Variants in NFIA observed in about 807,000 individuals in gnomAD.
The protein encoded by NFIA is nuclear factor I A, also known as nuclear factor 1 A-type.
A neutral mutation model predicts 62.8 loss-of-function variants in NFIA; 8 were observed. The observed-to-expected ratio is 0.13, with a 90% CI of 0.07 to 0.23. The LOEUF (loss-of-function observed/expected upper bound fraction) is 0.23, where lower values mean the gene tolerates loss of function less well. NFIA is among the 10% of genes least tolerant of loss of function. NFIA has a pLI of 1.00. For synonymous variants in NFIA, 235 were observed against 238.1 expected (o/e 0.99, Z 0.12); for missense variants, 410 against 642.1 (o/e 0.64, Z 3.91).
At position 61,217,043 on chromosome 1, in the gene NFIA, ACTTTTTTTTTTCTTTTTT is replaced by A. The variant is rs1331231495; in HGVS notation, c.560-60465_560-60448del. On this transcript the variant is annotated intron_variant, in intron 2 of 10. Transcript: ENST00000403491. ...AATTAATAAAAAGGACATTGATTAAACTTTTTTTTTTCTTTTTTCTTTTTTTTTTTTGAGATGGAGTTT... is the reference window on the plus strand; with the variant it reads ...AATTAATAAAAAGGACATTGATTAAACTTTTTTTTTTTTGAGATGGAGTTT... 4.6e-4 allele frequency among the ~76,000 whole-genome samples: 68 copies of A among 147,916 alleles called. 1 individual carries two copies. Among genetic ancestry groups the A allele is most frequent in the African/African-American group, 1.6e-3 (67 of 40,700 alleles).
chr1:61,141,420 G>GA (rs34815282), intron 2 of NFIA, among the ~76,000 whole-genome samples: 114,468 of 151,684 alleles, frequency 0.75, 44,427 homozygotes, highest in Middle Eastern at 0.87. Context: ...TACTCAGGGG[G>GA]AAAAAAAACC....
chr1:61,096,108 T>A (rs945283639), intron 2 of NFIA, among the ~76,000 whole-genome samples: 1 of 152,144 alleles, frequency 6.6e-6, no homozygotes, highest in Non-Finnish European at 1.5e-5. Context: ...GAGAAAAGAA[T>A]GGAATTTTAT....
At chr1:61,251,531 T>G (rs764193542) in intron 2 of NFIA, 19 of 152,222 alleles carry the variant, frequency 1.2e-4, no homozygotes, top group Non-Finnish European at 1.9e-4. Flanking sequence ...ACATTTATTT[T>G]GAAGCTGATA....
At chr1:61,209,928 A>G (rs1320177579) in intron 2 of NFIA, among the ~76,000 whole-genome samples, 2 of 152,222 alleles carry the variant, frequency 1.3e-5, no homozygotes, top group Non-Finnish European at 2.9e-5. Context: ...AGTCAGGTAC[A>G]GTTTCACTGT....
In NFIA at chr1:61,461,989, T is replaced by C. The variant is rs1204306101; in HGVS notation, c.*6669T>C. Reference sequence around the variant, plus strand: ...GTTGTTCTTATTTTTTAAATTTTTATTTTTTGATAATAGTCTGTAAGTTAG... The same window carrying C: ...GTTGTTCTTATTTTTTAAATTTTTACTTTTTGATAATAGTCTGTAAGTTAG... On this transcript the variant is annotated 3_prime_UTR_variant, in exon 11 of 11. Coordinates refer to ENST00000403491, the MANE Select transcript of NFIA (RefSeq NM_001134673.4). 1 of 151,744 alleles carries C rather than the reference T, an allele frequency of 6.6e-6. No individual in the cohort carries two copies. Among genetic ancestry groups the C allele is most frequent in the South Asian group, 2.1e-4 (1 of 4,828 alleles). The allele number at this position is 151,744 out of a possible 1,614,324, so 9.4% of individuals were successfully genotyped here.
chr1:61,279,227 AT>A (rs1657989451), intron 3 of NFIA, among the ~76,000 whole-genome samples: 1 of 152,190 alleles, frequency 6.6e-6, no homozygotes, highest in South Asian at 2.1e-4. Context: ...AGTTTACCAC[AT>A]TAGCTATCCT....
In NFIA at chr1:61,405,391, C is replaced by T. The variant is rs575776392; in HGVS notation, c.1254+1109C>T. ...TGGCAAGAAAGCACAGCATTCTGAT[C>T]GTCAGACGAGGTAGTCTTTGAGGAG... On this transcript the variant is annotated intron_variant, in intron 8 of 10. Coordinates refer to ENST00000403491, the MANE Select transcript of NFIA (RefSeq NM_001134673.4). 3.9e-5 allele frequency among the ~76,000 whole-genome samples: 6 copies of T among 152,224 alleles called. No homozygotes were observed. The South Asian group carries it at 8.3e-4, about 21-fold the overall frequency.
chr1:61,368,748 T>C (rs2100460105), intron 6 of NFIA, among the ~76,000 whole-genome samples: 1 of 152,366 alleles, frequency 6.6e-6, no homozygotes, highest in African/African-American at 2.4e-5. Flanking sequence ...ATATCCTTTT[T>C]AGGGGGTAAA....
chr1:61,224,135 A>G (rs1487664999), intron 2 of NFIA, among the ~76,000 whole-genome samples: 1 of 152,032 alleles, frequency 6.6e-6, no homozygotes, highest in Non-Finnish European at 1.5e-5. Flanking sequence ...TTAGTTTTTA[A>G]TATTAGTTTA....
chr1:61,172,067 C>T (rs1006839609), intron 2 of NFIA, among the ~76,000 whole-genome samples: 5 of 152,232 alleles, frequency 3.3e-5, no homozygotes, highest in East Asian at 3.9e-4. Flanking sequence ...CTAGAAATTA[C>T]GGTTGGGTTC....
intron 2 of NFIA, among the ~76,000 whole-genome samples, chr1:61,182,570 A>G (rs983460335): frequency 2.0e-5 from 3 of 152,246 alleles, no homozygotes; most frequent in Non-Finnish European, 4.4e-5. Context: ...GTAGGGACGT[A>G]AAATCTTTAT....
chr1:61,372,929 A>G (rs1663975863), intron 6 of NFIA, among the ~76,000 whole-genome samples: 1 of 152,186 alleles, frequency 6.6e-6, no homozygotes, highest in African/African-American at 2.4e-5. Flanking sequence ...TAAGAGCTGA[A>G]GAGAGAACCT....
intron 7 of NFIA, among the ~76,000 whole-genome samples, chr1:61,387,104 T>C (rs1245952569): frequency 2.0e-5 from 3 of 152,136 alleles, no homozygotes; most frequent in East Asian, 3.9e-4. Flanking sequence ...TTTCAAGATA[T>C]GGATCCTAGA....
intron 4 of NFIA, among the ~76,000 whole-genome samples, chr1:61,344,307 A>G (rs562326871): frequency 1.2e-4 from 18 of 152,308 alleles, no homozygotes; most frequent in Admixed American, 7.8e-4. Context: ...ACTTTCTTAC[A>G]AGATCTTTGC....
chr1:61,382,499 A>G (rs1158721861), intron 6 of NFIA, among the ~76,000 whole-genome samples: 1 of 152,232 alleles, frequency 6.6e-6, no homozygotes, highest in Non-Finnish European at 1.5e-5. Flanking sequence ...ATTATAGTTT[A>G]TGCATATTGC....
intron 2 of NFIA, among the ~76,000 whole-genome samples, chr1:61,224,199 C>G (rs1360175925): frequency 6.6e-6 from 1 of 151,248 alleles, no homozygotes. Flanking sequence ...TTGTCTTGAA[C>G]TTAACTTTTC....
intron 6 of NFIA, among the ~76,000 whole-genome samples, chr1:61,371,458 TC>T (rs1663881672): frequency 6.6e-6 from 1 of 152,138 alleles, no homozygotes; most frequent in African/African-American, 2.4e-5. Flanking sequence ...AACATACCTT[TC>T]ATTTAGAATA....
chr1:61,158,388 A>G (rs930662675), intron 2 of NFIA, among the ~76,000 whole-genome samples: 2 of 152,176 alleles, frequency 1.3e-5, no homozygotes, highest in African/African-American at 4.8e-5. Context: ...GAATCCTACT[A>G]CCCTGATTTA....
intron 3 of NFIA, among the ~76,000 whole-genome samples, chr1:61,301,148 C>G (rs190714574): frequency 4.7e-4 from 70 of 148,490 alleles, no homozygotes; most frequent in African/African-American, 1.6e-3. Flanking sequence ...CGTAGAACTT[C>G]AGCAGGAGGA....
Sources: allele counts gnomAD v4.1 joint callset (sites outside exome capture counted in the v4.1 genomes callset), GRCh38; gene constraint gnomAD v4.1.1; transcripts MANE v1.5; gene names NCBI Gene and HGNC (gene_info 2026-07-23, HGNC 2026-07-21).